GPHN: variants seen among roughly 807,000 people sequenced by gnomAD.
GPHN encodes gephyrin.
Under a neutral mutation model 95.5 loss-of-function variants are expected in GPHN, and 17 were observed. The ratio of observed to expected loss-of-function variants is 0.18; its 90% CI spans 0.12 to 0.27. The LOEUF is 0.27. Among genes scored for constraint, GPHN ranks in the 10% least tolerant of loss-of-function variants. The pLI is 1.00. For synonymous variants in GPHN, 320 were observed against 322.5 expected (o/e 0.99, Z 0.08); for missense variants, 660 against 978.1 (o/e 0.67, Z 4.34).
At chr14:67,599,731 GT>G in the GPHN span, among the ~76,000 whole-genome samples, 1 of 152,210 alleles carries the variant, frequency 6.6e-6, no homozygotes, top group Non-Finnish European at 1.5e-5. Flanking sequence ...ACACATGGCA[GT>G]TAAAGTTTTA....
At chr14:66,685,873 G>GT (rs1455856742) in intron 2 of GPHN, among the ~76,000 whole-genome samples, 4 of 152,154 alleles carry the variant, frequency 2.6e-5, no homozygotes, top group Non-Finnish European at 5.9e-5. Context: ...GGTTTTTATG[G>GT]TTTTAGGTCT....
chr14:66,860,183 C>T (rs1800990015), intron 4 of GPHN, among the ~76,000 whole-genome samples: 1 of 151,996 alleles, frequency 6.6e-6, no homozygotes, highest in South Asian at 2.1e-4. Context: ...AATAATTAAA[C>T]TCCCAAAATT....
the GPHN span, chr14:67,579,254 C>G: frequency 6.2e-7 from 1 of 1,600,368 alleles, no homozygotes. Flanking sequence ...TGCGTAACCC[C>G]TTCCACCACT....
chr14:66,860,174 A>C (rs1173374071), intron 4 of GPHN, among the ~76,000 whole-genome samples: 1 of 152,156 alleles, frequency 6.6e-6, no homozygotes, highest in African/African-American at 2.4e-5. Flanking sequence ...AGGCATGTGA[A>C]TAATTAAACT....
At chr14:67,285,442 C>T in the GPHN span, among the ~76,000 whole-genome samples, 1 of 150,508 alleles carries the variant, frequency 6.6e-6, no homozygotes, top group Non-Finnish European at 1.5e-5. Context: ...TCTCGGCTCA[C>T]TGCAAGCTCC....
At chr14:66,860,700 A>C (rs1010984615) in intron 4 of GPHN, among the ~76,000 whole-genome samples, 3 of 152,064 alleles carry the variant, frequency 2.0e-5, no homozygotes, top group African/African-American at 7.2e-5. Flanking sequence ...AAGACGTAAT[A>C]AGACATAAAG....
chr14:66,590,306 C>G (rs1363723196), intron 1 of GPHN, among the ~76,000 whole-genome samples: 2 of 151,936 alleles, frequency 1.3e-5, no homozygotes, highest in African/African-American at 4.8e-5. Flanking sequence ...TAGCAGAAGA[C>G]AAGAAATAAC....
intron 1 of GPHN, among the ~76,000 whole-genome samples, chr14:66,593,301 A>T (rs934865602): frequency 1.7e-4 from 24 of 140,106 alleles, no homozygotes; most frequent in East Asian, 7.9e-4. Context: ...TAAAGTATTT[A>T]AAAAAAAAAA....
At chr14:67,575,468 AC>A in the GPHN span, 1 of 1,595,566 alleles carries the variant, frequency 6.3e-7, no homozygotes, top group East Asian at 2.2e-5. Flanking sequence ...AGCCATGAGG[AC>A]AAGGTACTTC....
At chr14:67,628,731 A>T in the GPHN span, among the ~76,000 whole-genome samples, 1 of 152,228 alleles carries the variant, frequency 6.6e-6, no homozygotes, top group Non-Finnish European at 1.5e-5. Context: ...AGAAAATAAG[A>T]AGTGTTGATG....
At chr14:67,190,011 T>C in the GPHN span, among the ~76,000 whole-genome samples, 6 of 150,002 alleles carry the variant, frequency 4.0e-5, no homozygotes, top group Non-Finnish European at 8.9e-5. Context: ...CAGCTAATTT[T>C]GTATTTTTTT....
chr14:66,610,548 T>C (rs1428091912), intron 1 of GPHN, among the ~76,000 whole-genome samples: 1 of 152,186 alleles, frequency 6.6e-6, no homozygotes, highest in Non-Finnish European at 1.5e-5. Context: ...CCATCTTGTC[T>C]TCTGTGCCCT....
chr14:67,312,777 GAA>G, the GPHN span: 1 of 1,237,586 alleles, frequency 8.1e-7, no homozygotes, highest in Non-Finnish European at 1.1e-6. Flanking sequence ...CCTTCACAAA[GAA>G]AAACTCACTC....
the GPHN span, chr14:67,729,417 G>C: frequency 1.3e-6 from 2 of 1,579,196 alleles, no homozygotes; most frequent in Non-Finnish European, 1.7e-6. Flanking sequence ...CACCACCTGT[G>C]TGCATGGGAG....
intron 1 of GPHN, among the ~76,000 whole-genome samples, chr14:66,577,771 G>C (rs2140428804): frequency 6.6e-6 from 1 of 152,002 alleles, no homozygotes; most frequent in African/African-American, 2.4e-5. Flanking sequence ...GGACGAATGA[G>C]ATTTCACTAT....
At chr14:67,407,023 G>A in the GPHN span, among the ~76,000 whole-genome samples, 1 of 152,172 alleles carries the variant, frequency 6.6e-6, no homozygotes, top group Admixed American at 6.6e-5. Context: ...AGAAGGACGA[G>A]GGGCCCATAA....
the GPHN span, among the ~76,000 whole-genome samples, chr14:67,643,145 C>T: frequency 6.6e-6 from 1 of 152,182 alleles, no homozygotes; most frequent in Non-Finnish European, 1.5e-5. Context: ...CCTAGTGACT[C>T]ATGCAATCAG....
At chr14:67,141,846 T>G (rs1410737699) in intron 17 of GPHN, among the ~76,000 whole-genome samples, 1 of 152,218 alleles carries the variant, frequency 6.6e-6, no homozygotes, top group Non-Finnish European at 1.5e-5. Flanking sequence ...CTTGAGTCAC[T>G]AACTTTCCTT....
rs140251401 is a variant in GPHN at position 66,728,583 on chromosome 14, G to A, written c.143+47398G>A. Among the ~76,000 whole-genome samples, 465 of 152,334 alleles carry A rather than the reference G, an allele frequency of 3.1e-3. 2 individuals carry two copies. Among genetic ancestry groups the A allele is most frequent in the Non-Finnish European group, 3.6e-3 (244 of 68,032 alleles). ...GTCAAAGGAGATCATTTGATTTGAC[G>A]TAAGATTTGACTGCCTTGCTGGCTT... On this transcript the variant is annotated intron_variant, in intron 2 of 22. Coordinates refer to ENST00000478722, the MANE Select transcript of GPHN (RefSeq NM_020806.5).
Sources: gnomAD v4.1 joint callset for allele counts (sites outside exome capture counted in the v4.1 genomes callset) on GRCh38, gnomAD v4.1.1 for gene constraint, MANE v1.5 for transcripts, NCBI Gene and HGNC (gene_info 2026-07-23, HGNC 2026-07-21) for gene names.